Variants in SETD6 observed in about 807,000 individuals in gnomAD.
SETD6 encodes the protein N-lysine methyltransferase SETD6.
A neutral mutation model predicts 52.7 loss-of-function variants in SETD6; 67 were observed. That is an observed-to-expected ratio of 1.27 (90% CI 1.04 to 1.56). The LOEUF is 1.56. Among genes scored for constraint, SETD6 ranks in the 40% most tolerant of loss-of-function variants. The probability of loss-of-function intolerance (pLI) is 0.00; values close to 1 mark genes in which losing one functional copy is unlikely to be tolerated. For missense variants in SETD6, 712 were observed against 607.5 expected, an observed-to-expected ratio of 1.17 and a Z score of -1.81; for synonymous variants, 307 against 250.2, an observed-to-expected ratio of 1.23 and a Z score of -2.14.
rs1464097879 is a variant in SETD6, at chr16:58,520,388, C to T, written c.*1359C>T. ...GCTTTGGAATACGTTTGGGTAGAGA[C>T]AAAATGGAAACTCATGGGATTCCAA... On this transcript the variant is annotated 3_prime_UTR_variant, in exon 8 of 8. Coordinates refer to ENST00000219315, the MANE Select transcript of SETD6 (RefSeq NM_001160305.4). 6.5e-6 allele frequency: 1 copy of T among 154,062 alleles called. No homozygotes were observed. Among genetic ancestry groups the T allele is most frequent in the African/African-American group, 2.4e-5 (1 of 41,428 alleles). 9.5% of individuals were successfully genotyped at this position (154,062 alleles called of 1,614,324 possible). A position where few individuals can be genotyped will look rare whatever the true frequency, so the allele number is the denominator to read the frequency against.
chr16:58,515,542 C>A lies in SETD6; in HGVS notation c.5C>A (p.Ala2Glu). Reference sequence around the variant, plus strand: ...GAGGAAACGCGCTCTTAGACCATGGCGACCCAGGCGAAGCGTCCACGGGTG... The same window carrying A: ...GAGGAAACGCGCTCTTAGACCATGGAGACCCAGGCGAAGCGTCCACGGGTG... M[A>E]TQAKRPRVAG... The change falls in exon 1 of 8, where the codon GCG becomes GAG. Residue 2 changes from alanine to glutamate, a missense_variant. Coordinates refer to ENST00000219315, the MANE Select transcript of SETD6 (RefSeq NM_001160305.4). The A allele has an allele frequency of 6.3e-7, 1 of 1,587,848 alleles. No homozygotes were observed. The highest frequency in any genetic ancestry group is 1.1e-5 in the South Asian group (1 of 87,932).
rs2039487291 is a variant in SETD6, at chr16:58,523,780, C to T, written c.*4751C>T. On this transcript the variant is annotated 3_prime_UTR_variant, in exon 8 of 8. Transcript: ENST00000219315. Reference sequence around the variant, plus strand: ...AACTATTTTCTGGTGACACTCATCACTAAGTCTTTCTACATTTTGCAGATC... The same window carrying T: ...AACTATTTTCTGGTGACACTCATCATTAAGTCTTTCTACATTTTGCAGATC... The T allele has an allele frequency of 7.3e-6, 2 of 273,110 alleles. No homozygotes were observed. The highest frequency in any genetic ancestry group is 4.3e-5 in the African/African-American group (2 of 46,064). 16.9% of individuals were successfully genotyped at this position (273,110 alleles called of 1,614,324 possible). A position where few individuals can be genotyped will look rare whatever the true frequency, so the allele number is the denominator to read the frequency against.
rs1399545216 is a variant in SETD6, at chr16:58,516,942, C to A, written c.792+14C>A. The A allele has an allele frequency of 6.2e-7, 1 of 1,614,136 alleles. No individual in the cohort carries two copies. Among genetic ancestry groups the A allele is most frequent in the South Asian group, 1.1e-5 (1 of 91,084 alleles). On this transcript the variant is annotated intron_variant, in intron 5 of 7. Transcript: ENST00000219315. ...GAATACTCTGCGGTGAGTGGAGTTT[C>A]TCTTGGTGCACTGATTGAGCATGAT...
chr16:58,516,124 T>TGGGGA, intron 2 of SETD6, 27 bp downstream of exon 2: 1 of 411,204 alleles, frequency 2.4e-6, no homozygotes, highest in Non-Finnish European at 3.2e-6. Flanking sequence ...GCTAGGGCCC[T>TGGGGA]GGGGCGGGGC....
Position 58,523,311 on chromosome 16 carries a change from A to C in SETD6, c.*4282A>C. ...ACACTGAAAGCATAAAGAGGAAAAAAAAAAGATGAAAGGGAGGAGATCCTT... is the reference window on the plus strand; with the variant it reads ...ACACTGAAAGCATAAAGAGGAAAAACAAAAGATGAAAGGGAGGAGATCCTT... On this transcript the variant is annotated 3_prime_UTR_variant, in exon 8 of 8. Coordinates refer to ENST00000219315, the MANE Select transcript of SETD6 (RefSeq NM_001160305.4). The C allele has an allele frequency of 6.6e-7, 1 of 1,515,692 alleles. No homozygotes were observed. The highest frequency in any genetic ancestry group is 8.9e-7 in the Non-Finnish European group (1 of 1,127,740). The allele number at this position is 1,515,692 out of a possible 1,614,324, so 93.9% of individuals were successfully genotyped here. A position where few individuals can be genotyped will look rare whatever the true frequency, so the allele number is the denominator to read the frequency against.
chr16:58,515,765 C>A, intron 1 of SETD6, 26 bp from the exon 2 acceptor site: 1 of 1,460,190 alleles, frequency 6.8e-7, no homozygotes, highest in East Asian at 2.8e-5. Flanking sequence ...GGGGTCGGAC[C>A]TGGTCACTGC....
Position 58,516,505 on chromosome 16 carries a change from C to T in SETD6, c.504C>T (p.Leu168=). The T allele has an allele frequency of 1.9e-6, 3 of 1,614,028 alleles. No individual in the cohort carries two copies. Among genetic ancestry groups the T allele is most frequent in the Non-Finnish European group, 1.7e-6 (2 of 1,179,950 alleles). ...CAGAGGAGGAGCGCCGGTGCCTGCT[C>T]CAGGGCACAGGCGTACCTGAGGCCG... is the stretch of plus-strand genomic sequence containing the variant. ...FWPEEERRCL[L]QGTGVPEAVE... The change falls in exon 4 of 8, where the codon CTC becomes CTT. Residue 168 remains leucine (L), a synonymous_variant. Coordinates refer to ENST00000219315, the MANE Select transcript of SETD6 (RefSeq NM_001160305.4).
At position 58,520,169 on chromosome 16, in the gene SETD6, C is replaced by A. The variant is rs1334714384; in HGVS notation, c.*1140C>A. ...CATTCAGTGGGGTAATGGGGGAGAA[C>A]AATTAATTAATGAGATTTGGTTCCC... On this transcript the variant is annotated 3_prime_UTR_variant, in exon 8 of 8. Coordinates refer to ENST00000219315, the MANE Select transcript of SETD6 (RefSeq NM_001160305.4). 1.3e-5 allele frequency: 2 copies of A among 151,638 alleles called. No individual in the cohort carries two copies. The highest frequency in any genetic ancestry group is 4.9e-5 in the African/African-American group (2 of 41,224). 9.4% of individuals were successfully genotyped at this position (151,638 alleles called of 1,614,324 possible). A position where few individuals can be genotyped will look rare whatever the true frequency, so the allele number is the denominator to read the frequency against.
At chr16:58,516,164 A>C in intron 2 of SETD6, 38 bp from the exon 3 acceptor site, 1 of 1,336,172 alleles carries the variant, frequency 7.5e-7, no homozygotes, top group South Asian at 1.7e-5. Context: ...CCGGCCCGCG[A>C]GGCCGCGCCG....
rs774061038 is a variant in SETD6 at position 58,518,494 on chromosome 16, TAGGG to T, written c.1075_1078del (p.Glu359ArgfsTer3). The T allele has an allele frequency of 6.9e-6, 11 of 1,591,164 alleles. No individual in the cohort carries two copies. The highest frequency in any genetic ancestry group is 4.5e-5 in the East Asian group (2 of 44,794). ...GTAGGGGAAGAGGGAGCCTTTGTGATAGGGAGGGAGGAGGTGCTGACTGAAGAGG... is the reference window on the plus strand; with the variant it reads ...GTAGGGGAAGAGGGAGCCTTTGTGATAGGGAGGAGGTGCTGACTGAAGAGG... On this transcript the variant is annotated frameshift_variant, in exon 7 of 8. Coordinates refer to ENST00000219315, the MANE Select transcript of SETD6 (RefSeq NM_001160305.4). LOFTEE classifies it high-confidence loss of function.
rs1179276738 is a variant in SETD6, at chr16:58,521,116, C to G, written c.*2087C>G. The G allele has an allele frequency of 6.2e-7, 1 of 1,613,098 alleles. No homozygotes were observed. Among genetic ancestry groups the G allele is most frequent in the Non-Finnish European group, 8.5e-7 (1 of 1,179,264 alleles). On this transcript the variant is annotated 3_prime_UTR_variant, in exon 8 of 8. Coordinates refer to ENST00000219315, the MANE Select transcript of SETD6 (RefSeq NM_001160305.4). ...CTTGCATCTCATTCAGCTGACCCAA[C>G]CTAGAGACAGATGGTTTTCAGTCTC...
chr16:58,516,492 G>C lies in SETD6; in HGVS notation c.491G>C (p.Arg164Pro). 1 of 1,614,004 alleles carries C rather than the reference G, an allele frequency of 6.2e-7. No individual in the cohort carries two copies. Among genetic ancestry groups the C allele is most frequent in the South Asian group, 1.1e-5 (1 of 91,080 alleles). Reference protein sequence around the residue: ...EHPMFWPEEERRCLLQGTGVP... With the variant: ...EHPMFWPEEEPRCLLQGTGVP... Reference sequence around the variant, plus strand: ...TGTCCCTGCAGGCCAGAGGAGGAGCGCCGGTGCCTGCTCCAGGGCACAGGC... The same window carrying C: ...TGTCCCTGCAGGCCAGAGGAGGAGCCCCGGTGCCTGCTCCAGGGCACAGGC... Residue 164 changes from arginine to proline, a missense_variant, in exon 4 of 8, where the codon CGC becomes CCC. By Grantham distance (103) the Arg-to-Pro change is moderately radical. Transcript: ENST00000219315.
chr16:58,516,136 G>A, intron 2 of SETD6, 39 bp downstream of exon 2: 21 of 1,237,320 alleles, frequency 1.7e-5, no homozygotes, highest in Non-Finnish European at 2.1e-5. Context: ...GGGCGGGGCG[G>A]GGCGGGGCGG....
In SETD6 at chr16:58,516,650, G is replaced by C. The variant is rs1198922038; in HGVS notation, c.649G>C (p.Val217Leu). Residue 217 changes from valine (V) to leucine (L), a missense_variant, in exon 4 of 8, where the codon GTG (valine) becomes CTG (leucine). Physicochemically the swap from Val to Leu is conservative, Grantham distance 32 (BLOSUM62 1). Coordinates refer to ENST00000219315, the MANE Select transcript of SETD6 (RefSeq NM_001160305.4). ...VRSLELYHQL[V>L]ALVMAYSFQE... Reference sequence around the variant, plus strand: ...CTCCCTAGAACTCTACCACCAGCTGGTGGCCCTTGTGATGGCCTATAGGTC... The same window carrying C: ...CTCCCTAGAACTCTACCACCAGCTGCTGGCCCTTGTGATGGCCTATAGGTC... 1 of 1,613,972 alleles carries C rather than the reference G, an allele frequency of 6.2e-7. No individual in the cohort carries two copies. Among genetic ancestry groups the C allele is most frequent in the African/African-American group, 1.3e-5 (1 of 75,036 alleles).
chr16:58,515,764 C>G, intron 1 of SETD6, 27 bp from the exon 2 acceptor site: 1 of 1,459,288 alleles, frequency 6.9e-7, no homozygotes, highest in Non-Finnish European at 9.0e-7. Flanking sequence ...GGGGGTCGGA[C>G]CTGGTCACTG....
At chr16:58,515,598 C>A in intron 1 of SETD6, 34 bp downstream of exon 1, 1 of 1,520,650 alleles carries the variant, frequency 6.6e-7, no homozygotes, top group Non-Finnish European at 8.8e-7. Flanking sequence ...GCCTTTTCCT[C>A]CGCGCCTCAC....
Position 58,521,153 on chromosome 16 carries a change from C to T in SETD6, c.*2124C>T. The T allele has an allele frequency of 1.2e-6, 2 of 1,613,184 alleles. No homozygotes were observed. The highest frequency in any genetic ancestry group is 1.3e-5 in the African/African-American group (1 of 74,934). ...TGGTTTTCAGTCTCCAGTCTCATTC[C>T]TAGACAATTAAAAATTACTTTGAAC... On this transcript the variant is annotated 3_prime_UTR_variant, in exon 8 of 8. Coordinates refer to ENST00000219315, the MANE Select transcript of SETD6 (RefSeq NM_001160305.4).
rs1171321430 is a variant in SETD6, at chr16:58,518,520, G to T, written c.1093G>T (p.Glu365Ter). ...AGGGAGGGAGGAGGTGCTGACTGAA[G>T]AGGAGCTGACCACCACACTAAAGGT... ...VIGREEVLTE[E>*]ELTTTLKVLC... is the part of the protein sequence containing the mutation. Residue 365 changes from glutamate (E) to a stop codon, truncating the protein, a stop_gained, in exon 7 of 8, where the codon GAG (glutamate) becomes TAG (stop). Transcript: ENST00000219315. LOFTEE classifies it high-confidence loss of function. The T allele has an allele frequency of 6.3e-7, 1 of 1,595,666 alleles. No homozygotes were observed. The highest frequency in any genetic ancestry group is 8.5e-7 in the Non-Finnish European group (1 of 1,175,918).
At chr16:58,517,156 G>A (rs149833434) in intron 5 of SETD6, 35 of 594,342 alleles carry the variant, frequency 5.9e-5, no homozygotes, top group African/African-American at 5.4e-4. Flanking sequence ...CATTTATTTA[G>A]TGCTAGACAT....
Sources: gnomAD v4.1 joint callset for allele counts on GRCh38, gnomAD v4.1.1 for gene constraint, MANE v1.5 for transcripts, NCBI Gene and HGNC (gene_info 2026-07-23, HGNC 2026-07-21) for gene names.